DLGAP4: variants seen among roughly 807,000 people sequenced by gnomAD.
The protein encoded by DLGAP4 is DLG associated protein 4.
DLGAP4 carries 18 observed loss-of-function variants against 86.9 expected under a neutral mutation model. The ratio of observed to expected loss-of-function variants is 0.21; its 90% CI spans 0.14 to 0.31. The LOEUF is 0.31. Among genes scored for constraint, DLGAP4 ranks in the 10% least tolerant of loss-of-function variants. The pLI is 1.00. For synonymous variants in DLGAP4, 548 were observed against 574.3 expected, an observed-to-expected ratio of 0.95 and a Z score of 0.65; for missense variants, 1,085 against 1,362.6, an observed-to-expected ratio of 0.80 and a Z score of 3.21.
intron 2 of DLGAP4, among the ~76,000 whole-genome samples, chr20:36,422,164 C>A (rs1437822935): frequency 6.6e-6 from 1 of 152,160 alleles, no homozygotes; most frequent in Non-Finnish European, 1.5e-5. Context: ...AGAATCCATC[C>A]TTCCCCTTCC....
chr20:36,476,350 C>G (rs1259485096), intron 7 of DLGAP4, among the ~76,000 whole-genome samples: 1 of 105,842 alleles, frequency 9.4e-6, no homozygotes, highest in Non-Finnish European at 1.8e-5. Flanking sequence ...TTTTTGGAGA[C>G]ACAGTCTCGC....
chr20:36,514,262 T>C (rs762879079), intron 10 of DLGAP4, among the ~76,000 whole-genome samples: 5 of 152,140 alleles, frequency 3.3e-5, no homozygotes, highest in Non-Finnish European at 7.4e-5. Context: ...GGAATTGTGA[T>C]GGCAGAAGCA....
At chr20:36,404,304 G>A (rs1453216355) in intron 2 of DLGAP4, among the ~76,000 whole-genome samples, 1 of 152,186 alleles carries the variant, frequency 6.6e-6, no homozygotes, top group Non-Finnish European at 1.5e-5. Context: ...TGTCAGGCCA[G>A]CTGCAGAGCT....
intron 1 of DLGAP4, among the ~76,000 whole-genome samples, chr20:36,338,082 T>G (rs2065340392): frequency 6.6e-6 from 1 of 152,190 alleles, no homozygotes; most frequent in African/African-American, 2.4e-5. Flanking sequence ...AACCTCATGG[T>G]CCTCAGCTGC....
intron 7 of DLGAP4, among the ~76,000 whole-genome samples, chr20:36,455,177 CCTCT>C (rs954553011): frequency 1.3e-5 from 2 of 151,970 alleles, no homozygotes; most frequent in Non-Finnish European, 2.9e-5. Context: ...CTGCCATCTC[CCTCT>C]CTTTCTTCCA....
intron 5 of DLGAP4, among the ~76,000 whole-genome samples, chr20:36,440,213 C>G (rs2033408618): frequency 6.6e-6 from 1 of 152,160 alleles, no homozygotes; most frequent in Admixed American, 6.5e-5. Context: ...ACAGTATGAA[C>G]CCAGGATAGT....
At chr20:36,496,589 G>T (rs2035896117) in intron 7 of DLGAP4, 116 bp from the exon 8 acceptor site, 1 of 1,464,690 alleles carries the variant, frequency 6.8e-7, no homozygotes. Context: ...CGGACGGAAT[G>T]GCTAAGCCCA....
intron 7 of DLGAP4, among the ~76,000 whole-genome samples, chr20:36,473,384 C>G (rs996980485): frequency 1.3e-5 from 2 of 152,118 alleles, no homozygotes; most frequent in Non-Finnish European, 2.9e-5. Context: ...CCTGCAGATT[C>G]CTCATTTGTT....
intron 6 of DLGAP4, among the ~76,000 whole-genome samples, chr20:36,443,119 G>T (rs942734260): frequency 6.6e-6 from 1 of 152,200 alleles, no homozygotes; most frequent in Non-Finnish European, 1.5e-5. Context: ...GAGTTGGACA[G>T]GTCAGGGGCT....
chr20:36,446,281 A>G (rs1462079050), intron 6 of DLGAP4, among the ~76,000 whole-genome samples: 2 of 152,064 alleles, frequency 1.3e-5, no homozygotes, highest in Non-Finnish European at 2.9e-5. Context: ...TTTCCTTGTA[A>G]AATAAAGGGA....
At chr20:36,491,797 A>G (rs539688078) in intron 7 of DLGAP4, among the ~76,000 whole-genome samples, 3 of 152,340 alleles carry the variant, frequency 2.0e-5, no homozygotes, top group Admixed American at 6.5e-5. Context: ...GTTTTTGGCA[A>G]CTGAGGGTTT....
chr20:36,522,279 C>T (rs1056670381), intron 10 of DLGAP4, among the ~76,000 whole-genome samples: 3 of 152,092 alleles, frequency 2.0e-5, no homozygotes, highest in African/African-American at 7.2e-5. Context: ...CCCGCCTTGC[C>T]TCCTGGATAG....
At chr20:36,355,045 T>C (rs1157074818) in intron 1 of DLGAP4, among the ~76,000 whole-genome samples, 1 of 152,220 alleles carries the variant, frequency 6.6e-6, no homozygotes, top group African/African-American at 2.4e-5. Flanking sequence ...ATTTTAAGCA[T>C]TCTCTTTGAT....
chr20:36,419,619 T>C (rs990841512), intron 2 of DLGAP4, among the ~76,000 whole-genome samples: 2 of 152,190 alleles, frequency 1.3e-5, no homozygotes, highest in African/African-American at 4.8e-5. Context: ...CCATCCGAAG[T>C]CCTAACTGGG....
chr20:36,330,762 C>T (rs111580332), intron 1 of DLGAP4, among the ~76,000 whole-genome samples: 2,127 of 152,094 alleles, frequency 0.014, 53 homozygotes, highest in African/African-American at 0.048. Context: ...TTAGCAGAGA[C>T]GAGGTTTCAC....
chr20:36,419,815 C>G (rs2032770880), intron 2 of DLGAP4, among the ~76,000 whole-genome samples: 1 of 152,242 alleles, frequency 6.6e-6, no homozygotes, highest in African/African-American at 2.4e-5. Flanking sequence ...CTGACCTAGC[C>G]TCAGAGGTCA....
intron 10 of DLGAP4, chr20:36,510,741 G>A (rs1310672274): frequency 6.6e-6 from 1 of 151,860 alleles, no homozygotes; most frequent in Non-Finnish European, 1.5e-5. Context: ...ATTTCTAGTA[G>A]AGATGGGGTT....
At chr20:36,352,349 G>A (rs1187451593) in intron 1 of DLGAP4, among the ~76,000 whole-genome samples, 4 of 151,980 alleles carry the variant, frequency 2.6e-5, no homozygotes, top group African/African-American at 9.7e-5. Flanking sequence ...AGGACTATCT[G>A]GCTGCAGTGT....
chr20:36,499,533 GTTT>G (rs1474443999), intron 8 of DLGAP4, 52 bp from the exon 9 acceptor site: 3 of 1,561,570 alleles, frequency 1.9e-6, no homozygotes, highest in Non-Finnish European at 2.6e-6. Flanking sequence ...TGTGGTGTTT[GTTT>G]TTTATTTTTG....
Sources: allele counts gnomAD v4.1 joint callset (sites outside exome capture counted in the v4.1 genomes callset), GRCh38; gene constraint gnomAD v4.1.1; transcripts MANE v1.5; gene names NCBI Gene and HGNC (gene_info 2026-07-23, HGNC 2026-07-21).